MAT2B: variants seen among roughly 807,000 people sequenced by gnomAD.
The protein encoded by MAT2B is methionine adenosyltransferase 2 non-catalytic beta subunit, also known as methionine adenosyltransferase 2 subunit beta.
MAT2B carries 16 observed loss-of-function variants against 36.1 expected under a neutral mutation model. That is an observed-to-expected ratio of 0.44 (90% CI 0.30 to 0.67). The LOEUF (loss-of-function observed/expected upper bound fraction) is 0.67. Among genes scored for constraint, MAT2B ranks in the 30% least tolerant of loss-of-function variants. The pLI is 0.09. For synonymous variants in MAT2B, 148 were observed against 136.9 expected, an observed-to-expected ratio of 1.08 and a Z score of -0.57; for missense variants, 332 against 398.2, an observed-to-expected ratio of 0.83 and a Z score of 1.42.
rs1445955511 is a variant in MAT2B, at chr5:163,517,672, C to T, written c.832C>T (p.Pro278Ser). 2 of 1,593,028 alleles carry T rather than the reference C, an allele frequency of 1.3e-6. No homozygotes were observed. The highest frequency in any genetic ancestry group is 1.3e-5 in the African/African-American group (1 of 74,558). ...AFNLPSSHLR[P>S]ITDSPVLGAQ... ...CAACCTCCCCAGCAGTCACTTAAGA[C>T]CTGTAAGTACATGGCTGTAAAAACC... Residue 278 changes from proline (P) to serine (S), a missense_variant and splice_region_variant, in exon 6 of 7, where the codon CCT becomes TCT. Physicochemically the swap from Pro to Ser is moderately conservative, Grantham distance 74. Coordinates refer to ENST00000321757, the MANE Select transcript of MAT2B (RefSeq NM_013283.5).
intron 4 of MAT2B, among the ~76,000 whole-genome samples, chr5:163,515,098 T>G (rs903024318): frequency 7.9e-5 from 12 of 152,220 alleles, no homozygotes; most frequent in African/African-American, 2.9e-4. Flanking sequence ...AGAGTGCTGA[T>G]GACCACCTAA....
At chr5:163,514,270 G>A (rs778256723) in intron 4 of MAT2B, among the ~76,000 whole-genome samples, 2 of 152,118 alleles carry the variant, frequency 1.3e-5, no homozygotes, top group Non-Finnish European at 2.9e-5. Context: ...TCAAAAAACA[G>A]GGCAGTATAA....
upstream of MAT2B, among the ~76,000 whole-genome samples, chr5:163,504,028 G>T (rs985099608): frequency 2.6e-5 from 4 of 152,216 alleles, no homozygotes; most frequent in Non-Finnish European, 5.9e-5. Context: ...AGACTAGGCT[G>T]CTCTGAGAAT....
At chr5:163,517,912 T>C (rs927265689) in intron 6 of MAT2B, 3 of 486,026 alleles carry the variant, frequency 6.2e-6, no homozygotes, top group African/African-American at 1.9e-5. Context: ...CCAGGGATGA[T>C]CAAATCAGAT....
Position 163,510,794 on chromosome 5 carries a change from GT to G in MAT2B, c.64-1200del, listed in dbSNP as rs1367847287. On this transcript the variant is annotated intron_variant, in intron 1 of 6. Coordinates refer to ENST00000321757, the MANE Select transcript of MAT2B (RefSeq NM_013283.5). ...AGCATTTAAGTGTTGTAAGGACCAA[GT>G]TTTTTTTCCTCCTCGTATATTCCTT... 7.9e-5 allele frequency among the ~76,000 whole-genome samples: 12 copies of G among 152,120 alleles called. No individual in the cohort carries two copies. The South Asian group carries it at 2.3e-3, about 29-fold the overall frequency.
intron 1 of MAT2B, among the ~76,000 whole-genome samples, chr5:163,510,888 C>T (rs574099574): frequency 6.6e-6 from 1 of 152,174 alleles, no homozygotes; most frequent in Non-Finnish European, 1.5e-5. Context: ...CTTGAAAGAA[C>T]ATTTGGGATT....
chr5:163,512,715 T>G (rs1348582163), intron 2 of MAT2B: 1 of 453,870 alleles, frequency 2.2e-6, no homozygotes, highest in Non-Finnish European at 4.4e-6. Flanking sequence ...TAATCTTGGT[T>G]TGTTGCCCAG....
chr5:163,507,444 T>C (rs1203094523), intron 1 of MAT2B, among the ~76,000 whole-genome samples: 1 of 152,232 alleles, frequency 6.6e-6, no homozygotes, highest in Non-Finnish European at 1.5e-5. Flanking sequence ...CTTGGAGTGA[T>C]TGAATTCCGT....
chr5:163,508,615 TTTTG>T (rs769379990), intron 1 of MAT2B, among the ~76,000 whole-genome samples: 49 of 152,066 alleles, frequency 3.2e-4, no homozygotes, highest in African/African-American at 6.8e-4. Context: ...TTTTTGGTTT[TTTTG>T]TTTGTTTGTT....
chr5:163,504,244 C>T (rs1299367373), upstream of MAT2B, among the ~76,000 whole-genome samples: 1 of 152,036 alleles, frequency 6.6e-6, no homozygotes, highest in Non-Finnish European at 1.5e-5. Flanking sequence ...TTTGTTGTCC[C>T]CTGATTATGC....
chr5:163,505,716 A>G lies in MAT2B; in HGVS notation c.30A>G (p.Ile10Met), dbSNP rs1415887376. 2 of 1,285,588 alleles carry G rather than the reference A, an allele frequency of 1.6e-6. No homozygotes were observed. Among genetic ancestry groups the G allele is most frequent in the East Asian group, 2.9e-5 (1 of 34,082 alleles). The allele number at this position is 1,285,588 out of a possible 1,614,324, so 79.6% of individuals were successfully genotyped here. A position where few individuals can be genotyped will look rare whatever the true frequency, so the allele number is the denominator to read the frequency against. Residue 10 changes from isoleucine to methionine, a missense_variant, in exon 1 of 7, where the codon ATA becomes ATG. Physicochemically the swap from Ile to Met is conservative, Grantham distance 10 (BLOSUM62 1). Transcript: ENST00000321757. MVGREKELS[I>M]HFVPGSCRLV... ...TGGGGCGGGAGAAAGAGCTCTCTAT[A>G]CACTTTGTTCCCGGGAGCTGTCGGC...
chr5:163,505,653 C>A lies in MAT2B; in HGVS notation c.-34C>A. ...GTCGATCCTGGGTTGGAGGAGGTGG[C>A]GGCCGCTGAGGCTGCGGCGTGAAGA... On this transcript the variant is annotated 5_prime_UTR_variant, in exon 1 of 7. Coordinates refer to ENST00000321757, the MANE Select transcript of MAT2B (RefSeq NM_013283.5). 3.2e-6 allele frequency: 4 copies of A among 1,264,280 alleles called. No homozygotes were observed. Among genetic ancestry groups the A allele is most frequent in the Admixed American group, 4.0e-5 (1 of 24,966 alleles). 78.3% of individuals were successfully genotyped at this position (1,264,280 alleles called of 1,614,324 possible).
intron 4 of MAT2B, among the ~76,000 whole-genome samples, chr5:163,515,777 T>TC (rs1561658062): frequency 6.8e-5 from 9 of 131,420 alleles, no homozygotes; most frequent in African/African-American, 2.3e-4. Context: ...TTTCTTTTTT[T>TC]TTTTTTTTTT....
At position 163,513,979 on chromosome 5, in the gene MAT2B, C is replaced by G; in HGVS notation, c.511C>G (p.Leu171Val). 2 of 1,612,980 alleles carry G rather than the reference C, an allele frequency of 1.2e-6. No individual in the cohort carries two copies. The highest frequency in any genetic ancestry group is 1.7e-6 in the Non-Finnish European group (2 of 1,179,560). ...KTKLDGEKAV[L>V]ENNLGAAVLR... is the part of the protein sequence containing the mutation. ...AAAATTAGATGGAGAAAAGGCTGTCCTGGAGAACAATCTAGGTAAGACCTA... is the reference window on the plus strand; with the variant it reads ...AAAATTAGATGGAGAAAAGGCTGTCGTGGAGAACAATCTAGGTAAGACCTA... Residue 171 changes from leucine (L) to valine (V), a missense_variant, in exon 4 of 7, where the codon CTG (leucine) becomes GTG (valine). Transcript: ENST00000321757.
intron 2 of MAT2B, chr5:163,513,286 G>T (rs1760076064): frequency 3.3e-6 from 1 of 298,768 alleles, no homozygotes; most frequent in Admixed American, 4.6e-5. Flanking sequence ...CGTCACACCA[G>T]AGTAGAAATA....
At chr5:163,509,186 G>A (rs1344000115) in intron 1 of MAT2B, among the ~76,000 whole-genome samples, 1 of 149,202 alleles carries the variant, frequency 6.7e-6, no homozygotes, top group Non-Finnish European at 1.5e-5. Flanking sequence ...TTTAACAGAT[G>A]TTAAAATGAA....
chr5:163,512,981 T>G (rs1413919986), intron 2 of MAT2B: 1 of 215,456 alleles, frequency 4.6e-6, no homozygotes, highest in African/African-American at 2.4e-5. Flanking sequence ...GCGCCCAGCC[T>G]AGAAACATGG....
In MAT2B at chr5:163,518,504, A is replaced by G. The variant is rs188430776; in HGVS notation, c.*141A>G. 254 of 629,614 alleles carry G rather than the reference A, an allele frequency of 4.0e-4. 1 individual carries two copies. The African/African-American group carries it at 4.6e-3, about 11-fold the overall frequency. The allele number at this position is 629,614 out of a possible 1,614,324, so 39.0% of individuals were successfully genotyped here. A position where few individuals can be genotyped will look rare whatever the true frequency, so the allele number is the denominator to read the frequency against. On this transcript the variant is annotated 3_prime_UTR_variant, in exon 7 of 7. Coordinates refer to ENST00000321757, the MANE Select transcript of MAT2B (RefSeq NM_013283.5). The stretch of plus-strand genomic sequence containing the variant: ...TTCAGGTAAATGATGCTCTTGCACT[A>G]GTGAAATTGTCTAAAGAAACTAAAG...
chr5:163,505,873 T>C, intron 1 of MAT2B, 124 bp downstream of exon 1: 1 of 687,784 alleles, frequency 1.5e-6, no homozygotes, highest in Non-Finnish European at 2.1e-6. Flanking sequence ...GGGAGTGGTC[T>C]CACCGCCACC....
Sources: allele counts gnomAD v4.1 joint callset (sites outside exome capture counted in the v4.1 genomes callset), GRCh38; gene constraint gnomAD v4.1.1; transcripts MANE v1.5; gene names NCBI Gene and HGNC (gene_info 2026-07-23, HGNC 2026-07-21).